The following GPHN variants were observed in gnomAD, a reference collection of about 807,000 sequenced individuals.
The protein encoded by GPHN is gephyrin.
In GPHN, 17 loss-of-function variants were observed where a neutral mutation model predicts 95.5. The ratio of observed to expected loss-of-function variants is 0.18; its 90% CI spans 0.12 to 0.27. The LOEUF (loss-of-function observed/expected upper bound fraction) is 0.27. Ranked by LOEUF, GPHN falls within the 10% of genes least tolerant of loss-of-function variation. The probability of loss-of-function intolerance (pLI) is 1.00; values close to 1 mark genes in which losing one functional copy is unlikely to be tolerated. For synonymous variants in GPHN, 320 were observed against 322.5 expected (o/e 0.99, Z 0.08); for missense variants, 660 against 978.1 (o/e 0.67, Z 4.34).
chr14:66,954,754 G>T (rs908109990), intron 8 of GPHN, among the ~76,000 whole-genome samples: 4 of 152,124 alleles, frequency 2.6e-5, no homozygotes, highest in Non-Finnish European at 5.9e-5. Context: ...TGTGGGTTTT[G>T]TCTAGATGCC....
the GPHN span, among the ~76,000 whole-genome samples, chr14:67,719,859 C>T: frequency 6.6e-6 from 1 of 152,118 alleles, no homozygotes; most frequent in East Asian, 1.9e-4. Flanking sequence ...TGTATACTAT[C>T]TATTATGTGG....
At chr14:66,971,773 A>C (rs1416109667) in intron 9 of GPHN, among the ~76,000 whole-genome samples, 4 of 152,190 alleles carry the variant, frequency 2.6e-5, no homozygotes, top group African/African-American at 9.7e-5. Flanking sequence ...TCTTTTACCC[A>C]GGCATGATTT....
the GPHN span, chr14:67,581,058 G>A: frequency 6.6e-7 from 1 of 1,515,104 alleles, no homozygotes; most frequent in South Asian, 1.1e-5. Flanking sequence ...ACTGCACGAG[G>A]GTGGGGCCAA....
At chr14:67,484,689 T>C in the GPHN span, among the ~76,000 whole-genome samples, 1 of 152,098 alleles carries the variant, frequency 6.6e-6, no homozygotes, top group Non-Finnish European at 1.5e-5. Flanking sequence ...TTTGGGAGGC[T>C]GAGGCGGGAG....
chr14:67,008,810 G>C (rs2072785530), intron 9 of GPHN, among the ~76,000 whole-genome samples: 2 of 152,112 alleles, frequency 1.3e-5, no homozygotes, highest in Admixed American at 1.3e-4. Context: ...GCCTCCCAAA[G>C]TGCTGGGATT....
At chr14:67,291,399 C>T in the GPHN span, among the ~76,000 whole-genome samples, 2 of 151,896 alleles carry the variant, frequency 1.3e-5, no homozygotes, top group South Asian at 2.1e-4. Context: ...GGTTCTCCTG[C>T]CTCGCCTCCG....
At chr14:66,957,609 A>G (rs1265638222) in intron 8 of GPHN, among the ~76,000 whole-genome samples, 1 of 152,166 alleles carries the variant, frequency 6.6e-6, no homozygotes, top group Non-Finnish European at 1.5e-5. Context: ...GGCCTAATAT[A>G]TATGGTATAT....
intron 5 of GPHN, among the ~76,000 whole-genome samples, chr14:66,884,757 A>C (rs954010870): frequency 1.3e-5 from 2 of 151,380 alleles, no homozygotes; most frequent in African/African-American, 4.8e-5. Flanking sequence ...GCTGATAGAA[A>C]TGTTATGAGG....
At chr14:66,820,452 T>A (rs1566979208) in intron 3 of GPHN, among the ~76,000 whole-genome samples, 1 of 152,188 alleles carries the variant, frequency 6.6e-6, no homozygotes, top group Non-Finnish European at 1.5e-5. Context: ...GATAAGGGTT[T>A]AGCTCATCAT....
At chr14:66,973,751 C>T (rs1356084815) in intron 9 of GPHN, among the ~76,000 whole-genome samples, 1 of 152,046 alleles carries the variant, frequency 6.6e-6, no homozygotes, top group Admixed American at 6.6e-5. Context: ...GAGCAAGACT[C>T]TGTCTCAAAA....
rs143746642 is a variant in GPHN at position 66,830,618 on chromosome 14, A to G, written c.294+6052A>G. The stretch of plus-strand genomic sequence containing the variant: ...TTGACATAAGGAATATTTATTTAAA[A>G]GAGTTCTTATAACTGTTTCATTATG... On this transcript the variant is annotated intron_variant, in intron 4 of 22. Coordinates refer to ENST00000478722, the MANE Select transcript of GPHN (RefSeq NM_020806.5). Among the ~76,000 whole-genome samples, 5 of 152,262 alleles carry G rather than the reference A, an allele frequency of 3.3e-5. No individual in the cohort carries two copies. The East Asian group carries it at 7.7e-4, about 23-fold the overall frequency.
chr14:66,706,629 G>A (rs2069101841), intron 2 of GPHN, among the ~76,000 whole-genome samples: 1 of 152,040 alleles, frequency 6.6e-6, no homozygotes, highest in Non-Finnish European at 1.5e-5. Flanking sequence ...ACTGAAACTC[G>A]ACCCTTTCCT....
the GPHN span, among the ~76,000 whole-genome samples, chr14:67,263,389 T>TA: frequency 1.3e-5 from 2 of 152,008 alleles, no homozygotes; most frequent in Non-Finnish European, 2.9e-5. Flanking sequence ...ACTTTAGGGA[T>TA]AAAAAAACAA....
intron 4 of GPHN, among the ~76,000 whole-genome samples, chr14:66,829,329 C>T (rs1380364387): frequency 6.6e-6 from 1 of 152,060 alleles, no homozygotes; most frequent in Non-Finnish European, 1.5e-5. Context: ...CTCAAGTGAT[C>T]TGCCTGCTTC....
intron 3 of GPHN, among the ~76,000 whole-genome samples, chr14:66,822,143 C>T (rs1345689413): frequency 1.1e-4 from 16 of 152,098 alleles, no homozygotes; most frequent in South Asian, 2.1e-4. Context: ...GTAGAGACGG[C>T]GTTTCACCAT....
chr14:66,980,412 TA>T (rs888198142), intron 9 of GPHN, among the ~76,000 whole-genome samples: 5 of 151,968 alleles, frequency 3.3e-5, no homozygotes, highest in African/African-American at 1.2e-4. Context: ...GTGCAAATAA[TA>T]AAAAAAATTA....
intron 1 of GPHN, among the ~76,000 whole-genome samples, chr14:66,619,765 T>C (rs1179636599): frequency 6.6e-6 from 1 of 152,242 alleles, no homozygotes; most frequent in Admixed American, 6.5e-5. Flanking sequence ...AAATGTTTCA[T>C]TTAATTTTAT....
At chr14:66,803,203 A>G (rs918324314) in intron 3 of GPHN, among the ~76,000 whole-genome samples, 4 of 152,150 alleles carry the variant, frequency 2.6e-5, no homozygotes, top group Non-Finnish European at 5.9e-5. Context: ...CTGCTATAAC[A>G]AGGGCAACAC....
intron 21 of GPHN, among the ~76,000 whole-genome samples, chr14:67,169,581 T>G (rs1417488901): frequency 2.6e-5 from 4 of 152,170 alleles, no homozygotes; most frequent in Non-Finnish European, 5.9e-5. Context: ...GGAAATTAGG[T>G]CTCCTTCTCC....
Sources: gnomAD v4.1 joint callset for allele counts (sites outside exome capture counted in the v4.1 genomes callset) on GRCh38, gnomAD v4.1.1 for gene constraint, MANE v1.5 for transcripts, NCBI Gene and HGNC (gene_info 2026-07-23, HGNC 2026-07-21) for gene names.